The following SLC39A11 variants were observed in gnomAD, a reference collection of about 807,000 sequenced individuals.
The protein encoded by SLC39A11 is zinc transporter ZIP11.
A neutral mutation model predicts 36.1 loss-of-function variants in SLC39A11; 33 were observed. That is an observed-to-expected ratio of 0.91 (90% CI 0.69 to 1.22). The LOEUF is 1.22. SLC39A11 is among the 50% of genes most tolerant of loss of function. SLC39A11 has a pLI of 0.00. For missense variants in SLC39A11, 432 were observed against 430.3 expected, an observed-to-expected ratio of 1.00 and a Z score of -0.03; for synonymous variants, 166 against 170.3, an observed-to-expected ratio of 0.97 and a Z score of 0.20.
At chr17:72,731,392 C>A (rs2074208496) in intron 7 of SLC39A11, among the ~76,000 whole-genome samples, 2 of 152,122 alleles carry the variant, frequency 1.3e-5, no homozygotes, top group African/African-American at 4.8e-5. Flanking sequence ...ATTGTAATCC[C>A]CAATGTTGGG....
chr17:72,661,064 A>C (rs1349668191), intron 7 of SLC39A11, among the ~76,000 whole-genome samples: 1 of 152,222 alleles, frequency 6.6e-6, no homozygotes, highest in African/African-American at 2.4e-5. Context: ...TTCTAGCCTC[A>C]GTGGAGTGCA....
rs955944981 is a variant in SLC39A11, at chr17:72,819,753, G to T, written c.601+29881C>A. Among the ~76,000 whole-genome samples, 7 of 151,340 alleles carry T rather than the reference G, an allele frequency of 4.6e-5. 1 individual carries two copies. The highest frequency in any genetic ancestry group is 1.0e-4 in the Non-Finnish European group (7 of 67,552). ...GATCCCAAACCATTTTGGGAAGTAG[G>T]TGGCACAGAAGTTATTATTTCCATT... is the stretch of plus-strand genomic sequence containing the variant. On this transcript the variant is annotated intron_variant, in intron 6 of 9. Coordinates refer to ENST00000255559, the MANE Select transcript of SLC39A11 (RefSeq NM_139177.4).
At position 72,971,336 on chromosome 17, in the gene SLC39A11, A is replaced by ACACACTCTCTCT. The variant is rs1555657685; in HGVS notation, c.307-23462_307-23461insAGAGAGAGTGTG. Among the ~76,000 whole-genome samples, 16 of 143,498 alleles carry ACACACTCTCTCT rather than the reference A, an allele frequency of 1.1e-4. No homozygotes were observed. The South Asian group carries it at 1.1e-3, about 10-fold the overall frequency. The allele number at this position is 143,498 out of a possible 152,430, so 94.1% of individuals were successfully genotyped here. A position where few individuals can be genotyped will look rare whatever the true frequency, so the allele number is the denominator to read the frequency against. Reference sequence around the variant, plus strand: ...CACACATACACACACACACACACACACTCTCTCTCTCTCTCTCTCTCTGAA... The same window carrying ACACACTCTCTCT: ...CACACATACACACACACACACACACACACACTCTCTCTCTCTCTCTCTCTCTCTCTCTCTGAA... On this transcript the variant is annotated intron_variant, in intron 4 of 9. Coordinates refer to ENST00000255559, the MANE Select transcript of SLC39A11 (RefSeq NM_139177.4).
At chr17:72,674,876 A>G (rs1411084777) in intron 7 of SLC39A11, among the ~76,000 whole-genome samples, 1 of 152,022 alleles carries the variant, frequency 6.6e-6, no homozygotes, top group Non-Finnish European at 1.5e-5. Context: ...CTTTCCCCCA[A>G]TTTTTCTATC....
At chr17:73,017,835 CA>C (rs1304503944) in intron 4 of SLC39A11, among the ~76,000 whole-genome samples, 1 of 152,126 alleles carries the variant, frequency 6.6e-6, no homozygotes, top group Non-Finnish European at 1.5e-5. Context: ...CAGAAATATG[CA>C]AAGGGATATC....
At chr17:72,905,859 T>C (rs1442347580) in intron 5 of SLC39A11, among the ~76,000 whole-genome samples, 1 of 152,048 alleles carries the variant, frequency 6.6e-6, no homozygotes, top group Non-Finnish European at 1.5e-5. Flanking sequence ...GTTCACGCCA[T>C]TCTCCTGCCT....
intron 7 of SLC39A11, among the ~76,000 whole-genome samples, chr17:72,694,645 G>A (rs552390652): frequency 4.9e-4 from 74 of 152,326 alleles, no homozygotes; most frequent in African/African-American, 1.6e-3. Flanking sequence ...AGAAGATGAC[G>A]GACAAAACTT....
chr17:72,947,916 G>A (rs1282466191), intron 4 of SLC39A11, 41 bp from the exon 5 acceptor site: 1 of 1,606,756 alleles, frequency 6.2e-7, no homozygotes, highest in East Asian at 2.2e-5. Context: ...CACCACTACT[G>A]TGTTAATTCC....
chr17:73,071,044 G>C (rs1293482272), intron 3 of SLC39A11, among the ~76,000 whole-genome samples: 1 of 152,038 alleles, frequency 6.6e-6, no homozygotes, highest in African/African-American at 2.4e-5. Flanking sequence ...GTTAATCCAG[G>C]GTATGTTCAA....
chr17:72,814,616 A>T (rs2077526842), intron 6 of SLC39A11, among the ~76,000 whole-genome samples: 1 of 152,264 alleles, frequency 6.6e-6, no homozygotes, highest in South Asian at 2.1e-4. Flanking sequence ...TTCCAGAGGC[A>T]AAGGGCCAAG....
intron 5 of SLC39A11, among the ~76,000 whole-genome samples, chr17:72,892,514 G>C (rs1327696056): frequency 2.6e-5 from 4 of 152,066 alleles, no homozygotes; most frequent in Admixed American, 6.6e-5. Context: ...TATCTTTCTG[G>C]GGTAGAAAAA....
At chr17:72,766,801 G>C (rs983970184) in intron 6 of SLC39A11, among the ~76,000 whole-genome samples, 1 of 152,162 alleles carries the variant, frequency 6.6e-6, no homozygotes, top group African/African-American at 2.4e-5. Flanking sequence ...GTGACCAAAA[G>C]CTGCCTAAAT....
At chr17:73,076,339 C>T (rs1452504185) in intron 3 of SLC39A11, among the ~76,000 whole-genome samples, 1 of 152,102 alleles carries the variant, frequency 6.6e-6, no homozygotes, top group African/African-American at 2.4e-5. Context: ...AAACAACTTG[C>T]GAAATATATT....
rs569312558 is a variant in SLC39A11 at position 72,666,951 on chromosome 17, C to A, written c.672-17683G>T. 8.5e-5 allele frequency among the ~76,000 whole-genome samples: 13 copies of A among 152,288 alleles called. No homozygotes were observed. The South Asian group carries it at 2.7e-3, about 32-fold the overall frequency. Reference sequence around the variant, plus strand: ...TATGCAGTGCAGGGAGAGCGAGAGGCATGTCCTGAAATGTGGGGTGCTTCC... The same window carrying A: ...TATGCAGTGCAGGGAGAGCGAGAGGAATGTCCTGAAATGTGGGGTGCTTCC... On this transcript the variant is annotated intron_variant, in intron 7 of 9. Transcript: ENST00000255559.
chr17:72,936,479 C>T (rs1382768020), intron 5 of SLC39A11, among the ~76,000 whole-genome samples: 1 of 147,258 alleles, frequency 6.8e-6, no homozygotes, highest in Non-Finnish European at 1.5e-5. Flanking sequence ...AACAGGAGAT[C>T]CTAGGAAAGG....
At position 72,778,923 on chromosome 17, in the gene SLC39A11, A is replaced by C. The variant is rs75444593; in HGVS notation, c.602-42204T>G. On this transcript the variant is annotated intron_variant, in intron 6 of 9. Coordinates refer to ENST00000255559, the MANE Select transcript of SLC39A11 (RefSeq NM_139177.4). Reference sequence around the variant, plus strand: ...AGGAGTTCTTTTATGGATCCAGTCCATGTGCTATAGGGCATTGAGTTTTCT... The same window carrying C: ...AGGAGTTCTTTTATGGATCCAGTCCCTGTGCTATAGGGCATTGAGTTTTCT... 2.3e-3 allele frequency among the ~76,000 whole-genome samples: 345 copies of C among 152,306 alleles called. 2 individuals carry two copies. Among genetic ancestry groups the C allele is most frequent in the Non-Finnish European group, 4.0e-3 (273 of 68,026 alleles).
chr17:72,747,464 G>A (rs1370852173), intron 6 of SLC39A11, among the ~76,000 whole-genome samples: 4 of 152,182 alleles, frequency 2.6e-5, no homozygotes, highest in South Asian at 2.1e-4. Flanking sequence ...GGACAAGCTC[G>A]GCTTTGATTC....
At chr17:72,877,915 C>T (rs959159383) in intron 5 of SLC39A11, among the ~76,000 whole-genome samples, 5 of 151,420 alleles carry the variant, frequency 3.3e-5, no homozygotes, top group South Asian at 2.1e-4. Context: ...GTGTGCTGCA[C>T]GCATTAACTC....
intron 7 of SLC39A11, among the ~76,000 whole-genome samples, chr17:72,726,486 G>C (rs2073939047): frequency 6.6e-6 from 1 of 152,046 alleles, no homozygotes; most frequent in Non-Finnish European, 1.5e-5. Flanking sequence ...ACTGCGGCCT[G>C]AGCAACAGAA....
Sources: allele counts gnomAD v4.1 joint callset (sites outside exome capture counted in the v4.1 genomes callset), GRCh38; gene constraint gnomAD v4.1.1; transcripts MANE v1.5; gene names NCBI Gene and HGNC (gene_info 2026-07-23, HGNC 2026-07-21).